The following GLP1R variants were observed in gnomAD, a reference collection of about 807,000 sequenced individuals.
GLP1R encodes the protein glucagon like peptide 1 receptor, also known as glucagon-like peptide 1 receptor.
GLP1R carries 32 observed loss-of-function variants against 68.4 expected under a neutral mutation model. The ratio of observed to expected loss-of-function variants is 0.47; its 90% CI spans 0.35 to 0.63. The LOEUF (loss-of-function observed/expected upper bound fraction) is 0.63, where lower values mean the gene tolerates loss of function less well. Ranked by LOEUF, GLP1R falls within the 20% of genes least tolerant of loss-of-function variation. GLP1R has a pLI of 0.00. For missense variants in GLP1R, 502 were observed against 594.9 expected (o/e 0.84, Z 1.62); for synonymous variants, 263 against 244.4 (o/e 1.08, Z -0.71).
chr6:39,080,001 A>G (rs1219882998), intron 11 of GLP1R, among the ~76,000 whole-genome samples: 3 of 152,176 alleles, frequency 2.0e-5, no homozygotes, highest in Non-Finnish European at 4.4e-5. Context: ...GGTGCTTTAC[A>G]TGCATTGTGC....
intron 3 of GLP1R, among the ~76,000 whole-genome samples, chr6:39,061,944 A>C (rs975119203): frequency 3.3e-5 from 5 of 151,932 alleles, no homozygotes; most frequent in African/African-American, 1.2e-4. Context: ...TTTGACCCTC[A>C]CCTCACTCCC....
chr6:39,073,913 GC>G (rs1768742679), intron 7 of GLP1R, 144 bp downstream of exon 7: 1 of 683,812 alleles, frequency 1.5e-6, no homozygotes, highest in African/African-American at 1.8e-5. Context: ...AGGACCTTCT[GC>G]CCCGGTGCTG....
chr6:39,075,513 G>A (rs372558370), intron 7 of GLP1R, among the ~76,000 whole-genome samples: 6 of 152,160 alleles, frequency 3.9e-5, no homozygotes, highest in East Asian at 1.9e-4. Context: ...TGGGAGATGG[G>A]GGAGGGAGTG....
intron 5 of GLP1R, among the ~76,000 whole-genome samples, chr6:39,069,359 C>T (rs573782597): frequency 5.9e-5 from 9 of 152,270 alleles, no homozygotes; most frequent in East Asian, 1.9e-4. Flanking sequence ...TTTGGCCGGG[C>T]GCAGTGGCTC....
At chr6:39,060,329 C>T (rs1399713943) in intron 3 of GLP1R, among the ~76,000 whole-genome samples, 1 of 152,164 alleles carries the variant, frequency 6.6e-6, no homozygotes, top group Non-Finnish European at 1.5e-5. Flanking sequence ...CAGGCAGGGT[C>T]CTGGCAGAAA....
rs746472258 is a variant in GLP1R at position 39,079,085 on chromosome 6, C to T, written c.955-27C>T. 1 of 1,609,940 alleles carries T rather than the reference C, an allele frequency of 6.2e-7. No homozygotes were observed. The highest frequency in any genetic ancestry group is 1.1e-5 in the South Asian group (1 of 91,004). The stretch of plus-strand genomic sequence containing the variant: ...TATGATAGGGCTGGGCTGGTGCCCC[C>T]TGCCAATCCCCGGCCCCACCCCGCA... On this transcript the variant is annotated intron_variant, in intron 9 of 12. Coordinates refer to ENST00000373256, the MANE Select transcript of GLP1R (RefSeq NM_002062.5). This position sits in a 1 kb window ranked among gnomAD's most constrained non-coding sequence, Gnocchi z 4.5.
At chr6:39,053,947 G>T (rs183202731) in intron 1 of GLP1R, among the ~76,000 whole-genome samples, 1 of 151,996 alleles carries the variant, frequency 6.6e-6, no homozygotes, top group Non-Finnish European at 1.5e-5. Context: ...TCTGCTCTCC[G>T]GAGCACTGAT....
At chr6:39,076,400 A>G (rs1356991072) in intron 7 of GLP1R, among the ~76,000 whole-genome samples, 6 of 152,172 alleles carry the variant, frequency 3.9e-5, no homozygotes, top group Non-Finnish European at 8.8e-5. Context: ...GTAGATGCTG[A>G]GAGGTCCGAT....
At chr6:39,081,185 A>G (rs1583650491) in intron 12 of GLP1R, among the ~76,000 whole-genome samples, 1 of 152,228 alleles carries the variant, frequency 6.6e-6, no homozygotes, top group Admixed American at 6.5e-5. Context: ...CCCATTTTTT[A>G]TATATACATG....
chr6:39,058,670 A>ATCATCC (rs59982730), intron 3 of GLP1R, among the ~76,000 whole-genome samples: 1 of 151,538 alleles, frequency 6.6e-6, no homozygotes, highest in African/African-American at 2.4e-5. Flanking sequence ...CATCATCATC[A>ATCATCC]CCATCACCAT....
At position 39,066,628 on chromosome 6, in the gene GLP1R, T is replaced by C. The variant is rs550606554; in HGVS notation, c.509+325T>C. 2.0e-5 allele frequency among the ~76,000 whole-genome samples: 3 copies of C among 152,360 alleles called. No individual in the cohort carries two copies. The East Asian group carries it at 5.8e-4, about 29-fold the overall frequency. ...CCCAGGAGATCTTCTCCAATGAACATGTGTAACTTTAATAATCAAGAATTC... is the reference window on the plus strand; with the variant it reads ...CCCAGGAGATCTTCTCCAATGAACACGTGTAACTTTAATAATCAAGAATTC... On this transcript the variant is annotated intron_variant, in intron 5 of 12. Transcript: ENST00000373256.
At chr6:39,085,612 T>C (rs187243497) in intron 12 of GLP1R, among the ~76,000 whole-genome samples, 42 of 152,334 alleles carry the variant, frequency 2.8e-4, no homozygotes, top group Admixed American at 2.0e-3. Flanking sequence ...TTCTCTTCCG[T>C]TAAATAATAC....
In GLP1R at chr6:39,079,747, G is replaced by A. The variant is rs2150836611; in HGVS notation, c.1182+45G>A. On this transcript the variant is annotated intron_variant, in intron 11 of 12. Coordinates refer to ENST00000373256, the MANE Select transcript of GLP1R (RefSeq NM_002062.5). This position sits in a 1 kb window ranked among gnomAD's most constrained non-coding sequence, Gnocchi z 4.5. ...CACTTGCTTGTAAAGTCCTAGAGTG[G>A]GGGTGGGACAGACACCAGCCTGCAT... 6.4e-7 allele frequency: 1 copy of A among 1,556,252 alleles called. No homozygotes were observed. The highest frequency in any genetic ancestry group is 8.8e-7 in the Non-Finnish European group (1 of 1,132,482).
At chr6:39,076,439 A>G (rs1768830246) in intron 7 of GLP1R, among the ~76,000 whole-genome samples, 1 of 152,138 alleles carries the variant, frequency 6.6e-6, no homozygotes, top group South Asian at 2.1e-4. Context: ...GCCAGGAGAG[A>G]GAGAGCTGAT....
At chr6:39,056,329 TA>T (rs1282024961) in intron 1 of GLP1R, 67 bp from the exon 2 acceptor site, 29 of 786,388 alleles carry the variant, frequency 3.7e-5, no homozygotes, top group Non-Finnish European at 5.7e-5. Flanking sequence ...CCAAGTGTGT[TA>T]GGGGGTGAGG....
chr6:39,073,606 C>A lies in GLP1R; in HGVS notation c.664-4C>A. 6.2e-7 allele frequency: 1 copy of A among 1,613,508 alleles called. No individual in the cohort carries two copies. On this transcript the variant is annotated splice_polypyrimidine_tract_variant and splice_region_variant and intron_variant, in intron 6 of 12. Coordinates refer to ENST00000373256, the MANE Select transcript of GLP1R (RefSeq NM_002062.5). The stretch of plus-strand genomic sequence containing the variant: ...TCCCCATGACACCCTTCCTCTACCC[C>A]CAGGACTCTCTGAGCTGCCGCCTGG...
At position 39,048,865 on chromosome 6, in the gene GLP1R, C is replaced by T. The variant is rs777494808; in HGVS notation, c.25C>T (p.Arg9Cys). ...CATGGCCGGCGCCCCCGGCCCGCTG[C>T]GCCTTGCGCTGCTGCTGCTCGGGAT... The part of the protein sequence containing the change: MAGAPGPL[R>C]LALLLLGMVG... The change falls in exon 1 of 13, where the codon CGC becomes TGC. Residue 9 changes from arginine to cysteine, a missense_variant. Physicochemically the swap from Arg to Cys is radical, Grantham distance 180. Coordinates refer to ENST00000373256, the MANE Select transcript of GLP1R (RefSeq NM_002062.5). 3 of 1,497,678 alleles carry T rather than the reference C, an allele frequency of 2.0e-6. No homozygotes were observed. In the South Asian group the frequency reaches 3.7e-5, roughly 19 times the overall value. The allele number at this position is 1,497,678 out of a possible 1,614,324, so 92.8% of individuals were successfully genotyped here. A position where few individuals can be genotyped will look rare whatever the true frequency, so the allele number is the denominator to read the frequency against.
At chr6:39,065,014 C>G (rs1035112963) in intron 3 of GLP1R, among the ~76,000 whole-genome samples, 1 of 152,162 alleles carries the variant, frequency 6.6e-6, no homozygotes, top group African/African-American at 2.4e-5. Flanking sequence ...TGGGTATTCC[C>G]TTTTTCTATG....
rs774753155 is a variant in GLP1R, at chr6:39,079,675, T to C, written c.1155T>C (p.Phe385=). 1 of 1,612,896 alleles carries C rather than the reference T, an allele frequency of 6.2e-7. No individual in the cohort carries two copies. The highest frequency in any genetic ancestry group is 8.5e-7 in the Non-Finnish European group (1 of 1,179,438). Residue 385 remains phenylalanine (F), a synonymous_variant, in exon 11 of 13, where the codon TTT becomes TTC. Transcript: ENST00000373256. The surrounding 1 kb of genome is among the most constrained non-coding windows in gnomAD (Gnocchi z 4.5). ...ARGTLRFIKL[F]TELSFTSFQG... is the part of the protein sequence containing the mutation. Reference sequence around the variant, plus strand: ...GGACCCTGCGCTTCATCAAGCTGTTTACAGAGCTCTCCTTCACCTCCTTCC... The same window carrying C: ...GGACCCTGCGCTTCATCAAGCTGTTCACAGAGCTCTCCTTCACCTCCTTCC...
Sources: gnomAD v4.1 joint callset for allele counts (sites outside exome capture counted in the v4.1 genomes callset) on GRCh38, gnomAD v4.1.1 for gene constraint, Gnocchi (gnomAD v3.1) non-coding constraint, MANE v1.5 for transcripts, NCBI Gene and HGNC (gene_info 2026-07-23, HGNC 2026-07-21) for gene names.